The following CSF1R variants were observed in gnomAD, a reference collection of about 807,000 sequenced individuals.
The protein encoded by CSF1R is colony stimulating factor 1 receptor, also known as macrophage colony-stimulating factor 1 receptor.
A neutral mutation model predicts 110.0 loss-of-function variants in CSF1R; 40 were observed. That is an observed-to-expected ratio of 0.36 (90% CI 0.28 to 0.47). The LOEUF (loss-of-function observed/expected upper bound fraction) is 0.47. Among genes scored for constraint, CSF1R ranks in the 20% least tolerant of loss-of-function variants. The pLI is 0.99. For missense variants in CSF1R, 1,052 were observed against 1,253.0 expected, an observed-to-expected ratio of 0.84 and a Z score of 2.42; for synonymous variants, 523 against 503.4, an observed-to-expected ratio of 1.04 and a Z score of -0.52.
At chr5:150,064,107 G>T (rs10476929) in intron 10 of CSF1R, among the ~76,000 whole-genome samples, 1 of 152,040 alleles carries the variant, frequency 6.6e-6, no homozygotes, top group Non-Finnish European at 1.5e-5. Flanking sequence ...AATATTGAGT[G>T]TGCATGGGCA....
chr5:150,084,451 G>C (rs796860753), intron 1 of CSF1R, among the ~76,000 whole-genome samples: 1 of 61,676 alleles, frequency 1.6e-5, no homozygotes, highest in Non-Finnish European at 3.2e-5. Context: ...AGGAAGGAAG[G>C]AAGGAAGAAA....
rs974218732 is a variant in CSF1R, at chr5:150,095,174, C to A, written c.-180-8567G>T. ...CTACATGAAACAAAACTGATAGACC[C>A]GAAAGGAGAGATATAAAAATCTCTT... On this transcript the variant is annotated intron_variant, in intron 1 of 21. Coordinates refer to the CSF1R transcript ENST00000286301. The A allele has an allele frequency of 5.7e-5, 36 of 632,804 alleles. No individual in the cohort carries two copies. In the Middle Eastern group the frequency reaches 1.3e-3, roughly 22 times the overall value. 39.2% of individuals were successfully genotyped at this position (632,804 alleles called of 1,614,324 possible).
chr5:150,081,720 G>A (rs971389341), intron 1 of CSF1R, among the ~76,000 whole-genome samples: 1 of 152,202 alleles, frequency 6.6e-6, no homozygotes, highest in Non-Finnish European at 1.5e-5. Context: ...GTAAGAGTTA[G>A]TCACTATGTT....
intron 1 of CSF1R, among the ~76,000 whole-genome samples, chr5:150,100,814 AT>A (rs932483159): frequency 6.6e-6 from 1 of 152,334 alleles, no homozygotes; most frequent in Admixed American, 6.5e-5. Context: ...GGAAAAAAAA[AT>A]GAAATATCCA....
chr5:150,078,295 G>A (rs754549840), intron 3 of CSF1R, 47 bp from the exon 4 acceptor site: 78 of 1,607,690 alleles, frequency 4.9e-5, no homozygotes, highest in Non-Finnish European at 6.3e-5. Flanking sequence ...CCCTGAACAT[G>A]ATAGAGATAT....
rs534429241 is a variant in CSF1R, at chr5:150,057,698, T to G, written c.2133-106A>C. On this transcript the variant is annotated intron_variant, in intron 14 of 20. Coordinates refer to ENST00000675795, the MANE Select transcript of CSF1R (RefSeq NM_001288705.3). ...CCCATGGTCAACTGGAACCTCCCTTTCTGATAAGAAACCCTCCTGCCACAC... is the reference window on the plus strand; with the variant it reads ...CCCATGGTCAACTGGAACCTCCCTTGCTGATAAGAAACCCTCCTGCCACAC... 57 of 775,466 alleles carry G rather than the reference T, an allele frequency of 7.4e-5. No homozygotes were observed. The African/African-American group carries it at 8.9e-4, about 12-fold the overall frequency. The allele number at this position is 775,466 out of a possible 1,614,324, so 48.0% of individuals were successfully genotyped here. A position where few individuals can be genotyped will look rare whatever the true frequency, so the allele number is the denominator to read the frequency against.
intron 10 of CSF1R, among the ~76,000 whole-genome samples, chr5:150,068,010 C>T (rs571636238): frequency 3.8e-4 from 58 of 152,278 alleles, no homozygotes; most frequent in Non-Finnish European, 6.0e-4. Flanking sequence ...ACCTGTCTCT[C>T]GCACTAGACA....
At position 150,054,137 on chromosome 5, in the gene CSF1R, G is replaced by C; in HGVS notation, c.2851C>G (p.Leu951Val). 6.2e-7 allele frequency: 1 copy of C among 1,613,958 alleles called. No individual in the cohort carries two copies. The highest frequency in any genetic ancestry group is 1.1e-5 in the South Asian group (1 of 91,020). ...ELEEESSSEH[L>V]TCCEQGDIAQ... is the part of the protein sequence containing the mutation. ...ATATCCCCTTGCTCGCAGCAGGTCA[G>C]GTGCTCACTAGAGCTCTCCTCCTCC... Residue 951 changes from leucine (L) to valine (V), a missense_variant, in exon 21 of 21, where the codon CTG becomes GTG. Transcript: ENST00000675795.
intron 9 of CSF1R, among the ~76,000 whole-genome samples, chr5:150,068,755 G>T (rs1210493275): frequency 6.6e-6 from 1 of 152,200 alleles, no homozygotes; most frequent in Non-Finnish European, 1.5e-5. Context: ...CATTTCCCCT[G>T]CAGCTTCTCC....
intron 13 of CSF1R, among the ~76,000 whole-genome samples, 153 bp downstream of exon 13, chr5:150,060,709 G>A (rs1581289042): frequency 6.6e-6 from 1 of 152,130 alleles, no homozygotes; most frequent in East Asian, 1.9e-4. Context: ...CAGGAGATGG[G>A]CCCAGGAGTT....
rs757733975 is a variant in CSF1R, at chr5:150,080,106, G to C, written c.538C>G (p.Leu180Val). ...GACATCACCTTCCTGCCACCCATCA[G>C]GGCACTGCATTGATAGTCCTGGCTC... ...IQSQDYQCSA[L>V]MGGRKVMSIS... is the part of the protein sequence containing the mutation. The change falls in exon 3 of 21, where the codon CTG (leucine) becomes GTG (valine). Residue 180 changes from leucine (L) to valine (V), a missense_variant. Physicochemically the swap from Leu to Val is conservative, Grantham distance 32. Transcript: ENST00000675795. 1 of 1,614,146 alleles carries C rather than the reference G, an allele frequency of 6.2e-7. No homozygotes were observed. Among genetic ancestry groups the C allele is most frequent in the Admixed American group, 1.7e-5 (1 of 60,028 alleles).
At position 150,070,513 on chromosome 5, in the gene CSF1R, A is replaced by G. The variant is rs1230928599; in HGVS notation, c.1141T>C (p.Phe381Leu). ...LKPSEAGRYS[F>L]LARNPGGWRA... is the part of the protein sequence containing the mutation. ...CAGCCTCCTGGGTTTCTGGCCAGGA[A>G]GGAGTAGCGGCCAGCCTCAGAGGGC... The change falls in exon 7 of 21, where the codon TTC (phenylalanine) becomes CTC (leucine). Residue 381 changes from phenylalanine (F) to leucine (L), a missense_variant. Phe to Leu is a conservative substitution (Grantham distance 22). This residue lies in a region of CSF1R where 693 missense variants were observed against 735.4 expected (regional missense o/e 0.94). Coordinates refer to ENST00000675795, the MANE Select transcript of CSF1R (RefSeq NM_001288705.3). 1 of 1,555,266 alleles carries G rather than the reference A, an allele frequency of 6.4e-7. No homozygotes were observed. Among genetic ancestry groups the G allele is most frequent in the Admixed American group, 2.0e-5 (1 of 50,848 alleles).
rs2113787196 is a variant in CSF1R, at chr5:150,059,699, C to T, written c.2132+1G>A. The stretch of plus-strand genomic sequence containing the variant: ...TTTTCTTGTCCTTTGCCAGGGGCTA[C>T]CTGCGGACATATTTCTTCTCGAGGT... On this transcript the variant is annotated splice_donor_variant, in intron 14 of 20. Transcript: ENST00000675795. LOFTEE classifies it high-confidence loss of function. 1.2e-6 allele frequency: 2 copies of T among 1,613,662 alleles called. No individual in the cohort carries two copies. Among genetic ancestry groups the T allele is most frequent in the South Asian group, 1.1e-5 (1 of 91,062 alleles).
chr5:150,057,251 T>C, intron 16 of CSF1R, 36 bp downstream of exon 16: 1 of 1,584,750 alleles, frequency 6.3e-7, no homozygotes, highest in Non-Finnish European at 8.7e-7. Flanking sequence ...AGCACAGACC[T>C]GGGTGGCTAT....
chr5:150,078,405 C>A (rs1311703149), intron 3 of CSF1R, among the ~76,000 whole-genome samples, 157 bp from the exon 4 acceptor site: 1 of 152,040 alleles, frequency 6.6e-6, no homozygotes, highest in Non-Finnish European at 1.5e-5. Flanking sequence ...CCAGTCCCCC[C>A]ACTGCAAGGC....
At chr5:150,078,477 G>A (rs964805531) in intron 3 of CSF1R, among the ~76,000 whole-genome samples, 7 of 151,748 alleles carry the variant, frequency 4.6e-5, no homozygotes, top group African/African-American at 9.7e-5. Flanking sequence ...CCCCAGTCCC[G>A]TCACCATTCT....
chr5:150,076,348 ATC>A, intron 5 of CSF1R, among the ~76,000 whole-genome samples: 1 of 151,684 alleles, frequency 6.6e-6, no homozygotes, highest in Non-Finnish European at 1.5e-5. Flanking sequence ...CTATCTATCT[ATC>A]TATCTATCTA....
At chr5:150,079,596 T>TCC (rs4040758) in intron 3 of CSF1R, among the ~76,000 whole-genome samples, 5,459 of 152,318 alleles carry the variant, frequency 0.036, 312 homozygotes, top group African/African-American at 0.12. Context: ...AGGCTGAGCT[T>TCC]CCGTCCTCTT....
At chr5:150,076,975 G>T in intron 5 of CSF1R, 1 of 434,792 alleles carries the variant, frequency 2.3e-6, no homozygotes, top group African/African-American at 2.0e-5. Context: ...ATGAAAGAAT[G>T]AACAAATGAA....
Sources: gnomAD v4.1 joint callset for allele counts (sites outside exome capture counted in the v4.1 genomes callset) on GRCh38, gnomAD v4.1.1 for gene constraint, gnomAD v4.1.1 regional missense constraint, MANE v1.5 for transcripts, NCBI Gene and HGNC (gene_info 2026-07-23, HGNC 2026-07-21) for gene names.